The following SLC22A2 variants were observed in gnomAD, a reference collection of about 807,000 sequenced individuals.
SLC22A2 encodes the protein solute carrier family 22 member 2, also known as organic cation transporter 2.
A neutral mutation model predicts 60.5 loss-of-function variants in SLC22A2; 46 were observed. That is an observed-to-expected ratio of 0.76 (90% confidence interval 0.60 to 0.97). SLC22A2 has a LOEUF of 0.97. Among genes scored for constraint, SLC22A2 ranks in the 50% least tolerant of loss-of-function variants. The pLI, the probability that SLC22A2 is intolerant of heterozygous loss-of-function variation, is 0.00. For missense variants in SLC22A2, 701 were observed against 706.6 expected (o/e 0.99, Z 0.09); for synonymous variants, 303 against 267.0 (o/e 1.13, Z -1.31).
intron 9 of SLC22A2, among the ~76,000 whole-genome samples, chr6:160,240,602 G>A (rs555465872): frequency 6.6e-6 from 1 of 152,308 alleles, no homozygotes; most frequent in Admixed American, 6.5e-5. Flanking sequence ...AGAGGGTGTT[G>A]CATGACTCAA....
chr6:160,231,607 G>C (rs1782825250), intron 9 of SLC22A2, among the ~76,000 whole-genome samples: 1 of 151,760 alleles, frequency 6.6e-6, no homozygotes, highest in Non-Finnish European at 1.5e-5. Context: ...CCTAAAACCA[G>C]ACAAGCCTTA....
chr6:160,223,989 CA>C (rs1351460814), intron 10 of SLC22A2, among the ~76,000 whole-genome samples: 1 of 152,170 alleles, frequency 6.6e-6, no homozygotes, highest in African/African-American at 2.4e-5. Flanking sequence ...CTCAGCATCC[CA>C]AAGTGCTGGG....
In SLC22A2 at chr6:160,250,670, A is replaced by G. The variant is rs1167978920; in HGVS notation, c.551T>C (p.Val184Ala). 6.2e-7 allele frequency: 1 copy of G among 1,614,120 alleles called. No homozygotes were observed. Among genetic ancestry groups the G allele is most frequent in the African/African-American group, 1.3e-5 (1 of 75,036 alleles). ...FGRKLCLLTTVLINAAAGVLM... is the reference protein window; with the variant it reads ...FGRKLCLLTTALINAAAGVLM... Reference sequence around the variant, plus strand: ...AACTCCAGCTGCAGCATTTATGAGGACTGTAGTTAGGAGGCAGAGCTTACG... The same window carrying G: ...AACTCCAGCTGCAGCATTTATGAGGGCTGTAGTTAGGAGGCAGAGCTTACG... Residue 184 changes from valine (V) to alanine (A), a missense_variant, in exon 3 of 11, where the codon GTC becomes GCC. By Grantham distance (64) the Val-to-Ala change is moderately conservative. Coordinates refer to ENST00000366953, the MANE Select transcript of SLC22A2 (RefSeq NM_003058.4).
chr6:160,224,985 C>T (rs1024247989), intron 9 of SLC22A2, among the ~76,000 whole-genome samples, 181 bp from the exon 10 acceptor site: 1 of 152,092 alleles, frequency 6.6e-6, no homozygotes. Flanking sequence ...TTCCAAACTC[C>T]ATTGAATTAC....
intron 2 of SLC22A2, among the ~76,000 whole-genome samples, chr6:160,255,014 G>A (rs529071217): frequency 6.6e-6 from 1 of 152,336 alleles, no homozygotes; most frequent in African/African-American, 2.4e-5. Flanking sequence ...AGGAGGGAGT[G>A]CAGAGAGAGT....
rs315987 is a variant in SLC22A2, at chr6:160,238,942, T to A, written c.1501+2532A>T. Among the ~76,000 whole-genome samples, 21 of 152,046 alleles carry A rather than the reference T, an allele frequency of 1.4e-4. No individual in the cohort carries two copies. The East Asian group carries it at 1.9e-3, about 14-fold the overall frequency. ...GGACAGGGGCTGGGTAAAATGGGGC[T>A]GAGACCTACTGGGCTGCATTCCCAG... On this transcript the variant is annotated intron_variant, in intron 9 of 10. Transcript: ENST00000366953.
intron 10 of SLC22A2, among the ~76,000 whole-genome samples, chr6:160,223,230 A>G (rs1690783775): frequency 6.6e-6 from 1 of 152,198 alleles, no homozygotes; most frequent in Non-Finnish European, 1.5e-5. Context: ...CTTTATCTAG[A>G]ATTTTTTAAT....
Position 160,217,334 on chromosome 6 carries a change from G to C in SLC22A2, c.*98C>G. ...GTTGATAGGGCTCAGGGGTAAGTTT[G>C]GTTGAGTTGTATGGGCTTTGTGATG... On this transcript the variant is annotated 3_prime_UTR_variant, in exon 11 of 11. Transcript: ENST00000366953. 1 of 721,268 alleles carries C rather than the reference G, an allele frequency of 1.4e-6. No homozygotes were observed. The highest frequency in any genetic ancestry group is 1.9e-5 in the South Asian group (1 of 52,432). The allele number at this position is 721,268 out of a possible 1,614,324, so 44.7% of individuals were successfully genotyped here.
chr6:160,251,927 T>C (rs1005449935), intron 2 of SLC22A2, among the ~76,000 whole-genome samples: 19 of 152,212 alleles, frequency 1.2e-4, no homozygotes, highest in African/African-American at 4.3e-4. Context: ...CTAGTAAATT[T>C]CTTAAGTCTT....
intron 5 of SLC22A2, among the ~76,000 whole-genome samples, chr6:160,246,704 G>A (rs1193778886): frequency 6.6e-6 from 1 of 152,088 alleles, no homozygotes; most frequent in Admixed American, 6.5e-5. Context: ...CCGAGATTGT[G>A]CCACTGCACT....
At chr6:160,226,804 C>T (rs567421339) in intron 9 of SLC22A2, among the ~76,000 whole-genome samples, 12 of 151,990 alleles carry the variant, frequency 7.9e-5, no homozygotes, top group Admixed American at 7.2e-4. Flanking sequence ...AACTGAAAAA[C>T]TTCAAGGTTT....
In SLC22A2 at chr6:160,258,414, C is replaced by T. The variant is rs1562440331; in HGVS notation, c.344G>A (p.Ser115Asn). ...CCGGCAGGGGCCCAGTGGCAGGCGG[C>T]TCCTGTTGGTGTCCAGGCTGGCCAG... ...DPLASLDTNR[S>N]RLPLGPCRDG... The change falls in exon 1 of 11, where the codon AGC becomes AAC. Residue 115 changes from serine to asparagine, a missense_variant. Physicochemically the swap from Ser to Asn is conservative, Grantham distance 46. Coordinates refer to ENST00000366953, the MANE Select transcript of SLC22A2 (RefSeq NM_003058.4). The T allele has an allele frequency of 3.1e-6, 5 of 1,613,662 alleles. No individual in the cohort carries two copies. Among genetic ancestry groups the T allele is most frequent in the Non-Finnish European group, 3.4e-6 (4 of 1,179,882 alleles).
At position 160,258,537 on chromosome 6, in the gene SLC22A2, G is replaced by C. The variant is rs769783921; in HGVS notation, c.221C>G (p.Thr74Arg). The C allele has an allele frequency of 3.1e-6, 5 of 1,613,980 alleles. No homozygotes were observed. The Admixed American group carries it at 5.0e-5, about 16-fold the overall frequency. The change falls in exon 1 of 11, where the codon ACG becomes AGG. Residue 74 changes from threonine to arginine, a missense_variant. Physicochemically the swap from Thr to Arg is moderately conservative, Grantham distance 71 (BLOSUM62 -1). Transcript: ENST00000366953. The part of the protein sequence containing the change: ...GWSPAEELNY[T>R]VPGPGPAGEA... ...GCCCGCAGGTCCTGGGCCCGGCACC[G>C]TGTAGTTCAGTTCCTCTGCAGGACT...
chr6:160,253,973 G>A (rs1783227778), intron 2 of SLC22A2, among the ~76,000 whole-genome samples: 1 of 152,158 alleles, frequency 6.6e-6, no homozygotes, highest in South Asian at 2.1e-4. Flanking sequence ...TCACAAGCAT[G>A]ACACAGTAAA....
chr6:160,229,736 C>T (rs1329817744), intron 9 of SLC22A2, among the ~76,000 whole-genome samples: 1 of 151,822 alleles, frequency 6.6e-6, no homozygotes, highest in African/African-American at 2.4e-5. Flanking sequence ...TTCCATTCCT[C>T]CTTCTTCTCC....
chr6:160,258,290 G>T lies in SLC22A2; in HGVS notation c.414+54C>A. 3.3e-6 allele frequency: 5 copies of T among 1,532,704 alleles called. No individual in the cohort carries two copies. The South Asian group carries it at 6.4e-5, about 19-fold the overall frequency. The allele number at this position is 1,532,704 out of a possible 1,614,324, so 94.9% of individuals were successfully genotyped here. A position where few individuals can be genotyped will look rare whatever the true frequency, so the allele number is the denominator to read the frequency against. On this transcript the variant is annotated intron_variant, in intron 1 of 10. Coordinates refer to ENST00000366953, the MANE Select transcript of SLC22A2 (RefSeq NM_003058.4). ...CCGGGCCTTCCCTGCTTGCTTCCTTGAGAAAATCTCCACCATTTGCTTCTC... is the reference window on the plus strand; with the variant it reads ...CCGGGCCTTCCCTGCTTGCTTCCTTTAGAAAATCTCCACCATTTGCTTCTC...
intron 4 of SLC22A2, 32 bp from the exon 5 acceptor site, chr6:160,247,330 T>C (rs749600348): frequency 1.6e-5 from 18 of 1,125,096 alleles, no homozygotes; most frequent in Non-Finnish European, 2.3e-5. Context: ...GGGCAACTCT[T>C]ACTGAATCCT....
rs112703696 is a variant in SLC22A2, at chr6:160,226,638, C to G, written c.1502-1834G>C. ...CTGTGGTTGTGTTGGAATCTCGGAG[C>G]CTACTCTGGCTCAGGAGGCTGCCTG... On this transcript the variant is annotated intron_variant, in intron 9 of 10. Coordinates refer to ENST00000366953, the MANE Select transcript of SLC22A2 (RefSeq NM_003058.4). Among the ~76,000 whole-genome samples, 302 of 152,272 alleles carry G rather than the reference C, an allele frequency of 2.0e-3. 4 individuals carry two copies. The highest frequency in any genetic ancestry group is 6.8e-3 in the African/African-American group (284 of 41,548).
chr6:160,248,093 G>C (rs752967545), intron 4 of SLC22A2, among the ~76,000 whole-genome samples: 1 of 152,328 alleles, frequency 6.6e-6, no homozygotes, highest in East Asian at 1.9e-4. Context: ...TGGACTGAAT[G>C]TTTCTGTCCC....
Sources: gnomAD v4.1 joint callset for allele counts (sites outside exome capture counted in the v4.1 genomes callset) on GRCh38, gnomAD v4.1.1 for gene constraint, MANE v1.5 for transcripts, NCBI Gene and HGNC (gene_info 2026-07-23, HGNC 2026-07-21) for gene names.